PDGFD: variants seen among roughly 807,000 people sequenced by gnomAD.
PDGFD encodes the protein platelet derived growth factor D, also known as platelet-derived growth factor D.
A neutral mutation model predicts 44.7 loss-of-function variants in PDGFD; 30 were observed. The ratio of observed to expected loss-of-function variants is 0.67; its 90% CI spans 0.50 to 0.91. The LOEUF is 0.91. PDGFD is among the 40% of genes least tolerant of loss of function. The probability of loss-of-function intolerance (pLI) is 0.00; values close to 1 mark genes in which losing one functional copy is unlikely to be tolerated. For missense variants in PDGFD, 445 were observed against 457.8 expected (o/e 0.97, Z 0.25); for synonymous variants, 173 against 168.4 (o/e 1.03, Z -0.21).
intron 1 of PDGFD, among the ~76,000 whole-genome samples, chr11:104,145,330 T>C (rs558198139): frequency 1.1e-3 from 160 of 152,332 alleles, no homozygotes; most frequent in Non-Finnish European, 1.9e-3. Context: ...CTTTAATACA[T>C]TATTTGTTTA....
chr11:104,036,587 G>C, intron 1 of PDGFD: 2 of 568,030 alleles, frequency 3.5e-6, no homozygotes, highest in Non-Finnish European at 6.3e-6. Context: ...CTTAGAAATG[G>C]ACTTTGGAAC....
intron 3 of PDGFD, among the ~76,000 whole-genome samples, chr11:103,950,571 A>AAATAAATAAAT (rs1858738945): frequency 6.8e-6 from 1 of 146,184 alleles, no homozygotes; most frequent in African/African-American, 2.6e-5. Flanking sequence ...CTCAAAAGAA[A>AAATAAATAAAT]AAATAAATAA....
chr11:104,013,828 G>T (rs149067091), intron 1 of PDGFD, among the ~76,000 whole-genome samples: 1 of 151,742 alleles, frequency 6.6e-6, no homozygotes, highest in Non-Finnish European at 1.5e-5. Context: ...TAGATGGTCA[G>T]GATAGAAATG....
chr11:104,048,013 G>A (rs1053328567), intron 1 of PDGFD, among the ~76,000 whole-genome samples: 1 of 151,890 alleles, frequency 6.6e-6, no homozygotes, highest in Non-Finnish European at 1.5e-5. Context: ...AAATACAAAT[G>A]AATAATCTAG....
chr11:103,981,486 AGACT>A (rs1429182599), intron 3 of PDGFD, among the ~76,000 whole-genome samples: 5 of 151,810 alleles, frequency 3.3e-5, no homozygotes, highest in African/African-American at 1.2e-4. Flanking sequence ...TGTTGTACAC[AGACT>A]GTGTACCAAA....
At chr11:104,121,340 T>C (rs1370191176) in intron 1 of PDGFD, among the ~76,000 whole-genome samples, 3 of 152,130 alleles carry the variant, frequency 2.0e-5, no homozygotes, top group East Asian at 1.9e-4. Flanking sequence ...AGAACATCTG[T>C]ATTTGCTGTG....
At chr11:104,001,363 C>G (rs1859616993) in intron 1 of PDGFD, among the ~76,000 whole-genome samples, 1 of 152,190 alleles carries the variant, frequency 6.6e-6, no homozygotes, top group East Asian at 1.9e-4. Context: ...CTTTATTTAG[C>G]TGGTCCTAAT....
intron 1 of PDGFD, among the ~76,000 whole-genome samples, chr11:104,017,681 T>C (rs1285535839): frequency 6.6e-6 from 1 of 152,198 alleles, no homozygotes; most frequent in Admixed American, 6.5e-5. Flanking sequence ...TATTTGTGGG[T>C]GTGTGACATA....
At chr11:104,126,409 C>T (rs901489016) in intron 1 of PDGFD, among the ~76,000 whole-genome samples, 1 of 152,116 alleles carries the variant, frequency 6.6e-6, no homozygotes, top group Non-Finnish European at 1.5e-5. Context: ...TCAGTTTTAC[C>T]AGTTTATCTT....
At chr11:103,916,596 C>A (rs988551985) in intron 6 of PDGFD, among the ~76,000 whole-genome samples, 3 of 151,992 alleles carry the variant, frequency 2.0e-5, no homozygotes, top group African/African-American at 7.3e-5. Flanking sequence ...GAGTATATAC[C>A]CAAAGGAATA....
At chr11:103,953,894 A>G (rs1251293792) in intron 3 of PDGFD, among the ~76,000 whole-genome samples, 1 of 152,222 alleles carries the variant, frequency 6.6e-6, no homozygotes, top group Non-Finnish European at 1.5e-5. Context: ...CATGGCTAAC[A>G]CAACACAAAC....
At chr11:104,075,151 C>G (rs953690390) in intron 1 of PDGFD, among the ~76,000 whole-genome samples, 1 of 152,072 alleles carries the variant, frequency 6.6e-6, no homozygotes, top group Non-Finnish European at 1.5e-5. Context: ...GGCTAAGATA[C>G]AAATGTTCAC....
intron 4 of PDGFD, 115 bp from the exon 5 acceptor site, chr11:103,943,765 C>G (rs781433521): frequency 2.6e-6 from 2 of 772,354 alleles, no homozygotes; most frequent in Non-Finnish European, 4.2e-6. Context: ...AGACATCATA[C>G]GTTTGAATGC....
At chr11:104,001,298 C>T (rs755228164) in intron 1 of PDGFD, among the ~76,000 whole-genome samples, 7 of 152,162 alleles carry the variant, frequency 4.6e-5, no homozygotes, top group African/African-American at 9.6e-5. Flanking sequence ...TGATGTGTCC[C>T]GAGGACACAG....
rs995381654 is a variant in PDGFD at position 103,914,267 on chromosome 11, G to T, written c.988-4448C>A. Among the ~76,000 whole-genome samples, 6 of 152,288 alleles carry T rather than the reference G, an allele frequency of 3.9e-5. No individual in the cohort carries two copies. In the East Asian group the frequency reaches 9.7e-4, roughly 25 times the overall value. On this transcript the variant is annotated intron_variant, in intron 6 of 6. Transcript: ENST00000393158. ...CTAGGGCAGGCACAGAAGTAAGTTT[G>T]CCCACATTCTGTATTCACGATAAAC...
At chr11:103,953,604 T>A (rs1424842885) in intron 3 of PDGFD, among the ~76,000 whole-genome samples, 1 of 152,190 alleles carries the variant, frequency 6.6e-6, no homozygotes, top group Non-Finnish European at 1.5e-5. Context: ...CATATTAATA[T>A]GACAGACAAG....
At chr11:104,089,404 T>C (rs542194012) in intron 1 of PDGFD, among the ~76,000 whole-genome samples, 17 of 152,292 alleles carry the variant, frequency 1.1e-4, no homozygotes, top group African/African-American at 3.9e-4. Flanking sequence ...TAAGAGCAAT[T>C]AACAGGTGAC....
chr11:104,138,100 A>G (rs1391711559), intron 1 of PDGFD, among the ~76,000 whole-genome samples: 1 of 152,178 alleles, frequency 6.6e-6, no homozygotes, highest in Non-Finnish European at 1.5e-5. Context: ...TTTTCTGAAC[A>G]CTTTTTTATT....
At chr11:104,027,296 C>G (rs1860056569) in intron 1 of PDGFD, among the ~76,000 whole-genome samples, 1 of 152,174 alleles carries the variant, frequency 6.6e-6, no homozygotes, top group Admixed American at 6.5e-5. Context: ...GCACCTGGTT[C>G]TAGTCAATAA....
Sources: allele counts gnomAD v4.1 joint callset (sites outside exome capture counted in the v4.1 genomes callset), GRCh38; gene constraint gnomAD v4.1.1; transcripts MANE v1.5; gene names NCBI Gene and HGNC (gene_info 2026-07-23, HGNC 2026-07-21).